The following MACROD1 variants were observed in gnomAD, a reference collection of about 807,000 sequenced individuals.
The protein encoded by MACROD1 is ADP-ribose glycohydrolase MACROD1.
MACROD1 carries 31 observed loss-of-function variants against 41.4 expected under a neutral mutation model. The ratio of observed to expected loss-of-function variants is 0.75; its 90% confidence interval spans 0.56 to 1.01. The LOEUF (loss-of-function observed/expected upper bound fraction) is 1.01, where lower values mean the gene tolerates loss of function less well. Among genes scored for constraint, MACROD1 ranks in the 50% least tolerant of loss-of-function variants. The pLI is 0.00. For missense variants in MACROD1, 473 were observed against 460.0 expected (o/e 1.03, Z -0.26); for synonymous variants, 252 against 203.4 (o/e 1.24, Z -2.03).
intron 3 of MACROD1, among the ~76,000 whole-genome samples, chr11:64,042,183 C>G (rs1369583215): frequency 1.3e-5 from 2 of 152,188 alleles, no homozygotes; most frequent in African/African-American, 2.4e-5. Flanking sequence ...CATGCACACA[C>G]TCTTGCACAC....
chr11:64,154,166 G>A (rs893221880), intron 1 of MACROD1, among the ~76,000 whole-genome samples: 3 of 152,006 alleles, frequency 2.0e-5, no homozygotes, highest in Admixed American at 6.6e-5. Context: ...AGCAACCTCC[G>A]GGGCTGTCCC....
At chr11:64,032,627 G>A (rs1160477769) in intron 3 of MACROD1, among the ~76,000 whole-genome samples, 1 of 152,128 alleles carries the variant, frequency 6.6e-6, no homozygotes, top group African/African-American at 2.4e-5. Context: ...GGTGACTTGA[G>A]CTGCCCTTGC....
intron 3 of MACROD1, among the ~76,000 whole-genome samples, chr11:64,091,225 CA>C (rs1944484604): frequency 6.6e-6 from 1 of 151,956 alleles, no homozygotes; most frequent in Non-Finnish European, 1.5e-5. Flanking sequence ...GCCTCCGCTG[CA>C]GGGTCTGCAG....
Position 64,090,069 on chromosome 11 carries a change from C to T in MACROD1, c.517+61170G>A, listed in dbSNP as rs560453867. ...CTGTGACTGGACTCAACAGCTGTGTCATCCTGAGCCCAGAACCTTCTAGAA... is the reference window on the plus strand; with the variant it reads ...CTGTGACTGGACTCAACAGCTGTGTTATCCTGAGCCCAGAACCTTCTAGAA... On this transcript the variant is annotated intron_variant, in intron 3 of 10. Transcript: ENST00000255681. The surrounding 1 kb of genome is among the most constrained non-coding windows in gnomAD (Gnocchi z 4.7). 5.9e-5 allele frequency among the ~76,000 whole-genome samples: 9 copies of T among 152,304 alleles called. No individual in the cohort carries two copies. Among genetic ancestry groups the T allele is most frequent in the Non-Finnish European group, 1.0e-4 (7 of 68,030 alleles).
intron 4 of MACROD1, among the ~76,000 whole-genome samples, chr11:64,010,002 T>C (rs1286201449): frequency 6.6e-6 from 1 of 151,446 alleles, no homozygotes; most frequent in Non-Finnish European, 1.5e-5. Context: ...GCCTGGGGTA[T>C]TGGTTGGGGT....
intron 3 of MACROD1, among the ~76,000 whole-genome samples, chr11:64,133,163 C>T (rs1227457547): frequency 1.3e-5 from 2 of 152,346 alleles, no homozygotes; most frequent in East Asian, 1.9e-4. Flanking sequence ...CACAGATGCA[C>T]GGAGCCCCCA....
At chr11:64,095,613 G>A (rs1464553136) in intron 3 of MACROD1, among the ~76,000 whole-genome samples, 2 of 152,224 alleles carry the variant, frequency 1.3e-5, no homozygotes, top group Non-Finnish European at 2.9e-5. Flanking sequence ...TGGAAGGAAA[G>A]GCGGCTTCCC....
intron 3 of MACROD1, chr11:64,138,584 C>A (rs752077111): frequency 2.6e-5 from 26 of 984,622 alleles, no homozygotes; most frequent in Admixed American, 6.2e-5. Context: ...CAGCCGCGGG[C>A]CCTGCTGGCA....
chr11:64,080,920 C>A (rs184367360), intron 3 of MACROD1, among the ~76,000 whole-genome samples: 271 of 152,310 alleles, frequency 1.8e-3, no homozygotes, highest in South Asian at 2.9e-3. Context: ...TTGAGAGAAT[C>A]CCCACTGCTC....
At chr11:64,111,476 G>A (rs1042342404) in intron 3 of MACROD1, among the ~76,000 whole-genome samples, 2 of 152,182 alleles carry the variant, frequency 1.3e-5, no homozygotes, top group South Asian at 2.1e-4. Flanking sequence ...CAGGACCTCC[G>A]GCTCCATAAC....
intron 3 of MACROD1, among the ~76,000 whole-genome samples, chr11:64,113,806 GAAT>G (rs1944909316): frequency 2.7e-5 from 4 of 148,082 alleles, no homozygotes; most frequent in African/African-American, 2.5e-5. Flanking sequence ...CATGATGGAT[GAAT>G]GAACAGGTGG....
At chr11:64,057,910 C>G (rs1475096644) in intron 3 of MACROD1, among the ~76,000 whole-genome samples, 1 of 152,208 alleles carries the variant, frequency 6.6e-6, no homozygotes, top group African/African-American at 2.4e-5. Context: ...GTGGGTGCAA[C>G]CCCAAAGCCA....
At chr11:64,065,645 C>T (rs1478636354) in intron 3 of MACROD1, among the ~76,000 whole-genome samples, 1 of 152,010 alleles carries the variant, frequency 6.6e-6, no homozygotes, top group African/African-American at 2.4e-5. Flanking sequence ...AAAAAATTAG[C>T]CAGGCATGGT....
intron 3 of MACROD1, among the ~76,000 whole-genome samples, chr11:64,144,878 G>A (rs539904042): frequency 2.8e-4 from 43 of 152,382 alleles, no homozygotes; most frequent in African/African-American, 1.0e-3. Flanking sequence ...CTTCCCACAA[G>A]GCAGTCCGCA....
At chr11:64,008,476 G>A in intron 4 of MACROD1, among the ~76,000 whole-genome samples, 1 of 152,168 alleles carries the variant, frequency 6.6e-6, no homozygotes, top group East Asian at 1.9e-4. Context: ...AAATGCAGCA[G>A]TGGAGGGGGT....
rs116382657 is a variant in MACROD1 at position 64,109,504 on chromosome 11, G to A, written c.517+41735C>T. 1.8e-3 allele frequency among the ~76,000 whole-genome samples: 267 copies of A among 152,304 alleles called. 3 individuals carry two copies. Among genetic ancestry groups the A allele is most frequent in the African/African-American group, 6.1e-3 (255 of 41,556 alleles). On this transcript the variant is annotated intron_variant, in intron 3 of 10. Transcript: ENST00000255681. ...GCTTCTGGGGAGGGCTGCAGAGGGG[G>A]TGGAAAGGGGAGGGACAGAAGCCTC... is the stretch of plus-strand genomic sequence containing the variant.
intron 3 of MACROD1, among the ~76,000 whole-genome samples, chr11:64,017,875 C>T (rs940912260): frequency 2.6e-5 from 4 of 152,204 alleles, no homozygotes; most frequent in Admixed American, 6.5e-5. Flanking sequence ...AGGTTGGCAG[C>T]GAGCCTCGAA....
At chr11:63,999,067 G>A (rs1300200344) in intron 8 of MACROD1, 31 bp from the exon 9 acceptor site, 2 of 1,570,606 alleles carry the variant, frequency 1.3e-6, no homozygotes, top group Non-Finnish European at 1.7e-6. Context: ...CCTGGGCCGA[G>A]CTGCCACGCC....
chr11:64,117,995 C>G, intron 3 of MACROD1: 3 of 1,613,776 alleles, frequency 1.9e-6, no homozygotes, highest in South Asian at 2.2e-5. Context: ...TCTGCTGGTA[C>G]GTGCACCAGG....
Sources: gnomAD v4.1 joint callset for allele counts (sites outside exome capture counted in the v4.1 genomes callset) on GRCh38, gnomAD v4.1.1 for gene constraint, Gnocchi (gnomAD v3.1) non-coding constraint, MANE v1.5 for transcripts, NCBI Gene and HGNC (gene_info 2026-07-23, HGNC 2026-07-21) for gene names.